RIT2: variants seen among roughly 807,000 people sequenced by gnomAD.
The protein encoded by RIT2 is GTP-binding protein Rit2.
RIT2 carries 24 observed loss-of-function variants against 23.7 expected under a neutral mutation model. That is an observed-to-expected ratio of 1.01 (90% CI 0.73 to 1.43). The LOEUF is 1.43. Among genes scored for constraint, RIT2 ranks in the 40% most tolerant of loss-of-function variants. The probability of loss-of-function intolerance (pLI) is 0.00; values close to 1 mark genes in which losing one functional copy is unlikely to be tolerated. For synonymous variants in RIT2, 107 were observed against 91.1 expected (o/e 1.17, Z -0.99); for missense variants, 236 against 266.9 (o/e 0.88, Z 0.81).
At chr18:42,896,780 C>T (rs1445903939) in intron 4 of RIT2, among the ~76,000 whole-genome samples, 1 of 152,164 alleles carries the variant, frequency 6.6e-6, no homozygotes, top group African/African-American at 2.4e-5. Context: ...TGGTGAACTC[C>T]AGTATGTTTA....
At chr18:42,877,552 A>G (rs1176161821) in intron 4 of RIT2, among the ~76,000 whole-genome samples, 1 of 149,976 alleles carries the variant, frequency 6.7e-6, no homozygotes, top group East Asian at 2.0e-4. Context: ...GCATATACAC[A>G]CATAGATACA....
chr18:42,860,496 C>A (rs965413344), intron 4 of RIT2, among the ~76,000 whole-genome samples: 59 of 152,080 alleles, frequency 3.9e-4, no homozygotes, highest in African/African-American at 1.4e-3. Context: ...TATGGAGAAG[C>A]AGATTTTTAG....
At chr18:42,763,554 A>T (rs117543876) in intron 4 of RIT2, among the ~76,000 whole-genome samples, 2,895 of 152,024 alleles carry the variant, frequency 0.019, 42 homozygotes, top group Non-Finnish European at 0.03. Context: ...GTGAGTGATG[A>T]GTCAATGTGA....
intron 1 of RIT2, among the ~76,000 whole-genome samples, chr18:43,069,789 C>T (rs992345331): frequency 6.6e-6 from 1 of 152,108 alleles, no homozygotes; most frequent in Non-Finnish European, 1.5e-5. Flanking sequence ...AGTATTCTTT[C>T]ACCAAATATT....
At position 43,023,747 on chromosome 18, in the gene RIT2, A is replaced by T. The variant is rs189592928; in HGVS notation, c.160+10064T>A. ...AGCATTTATTTTCTAGCTAAGGAAG[A>T]CACATATAGCTATATACTAAATAAG... On this transcript the variant is annotated intron_variant, in intron 2 of 4. Coordinates refer to ENST00000326695, the MANE Select transcript of RIT2 (RefSeq NM_002930.4). Among the ~76,000 whole-genome samples the T allele has an allele frequency of 1.4e-4, 21 of 152,244 alleles. No homozygotes were observed. The East Asian group carries it at 4.1e-3, about 29-fold the overall frequency.
chr18:42,757,749 A>C (rs1913198397), intron 4 of RIT2, among the ~76,000 whole-genome samples: 1 of 152,216 alleles, frequency 6.6e-6, no homozygotes, highest in East Asian at 1.9e-4. Flanking sequence ...TTTCTCGTTT[A>C]GTTCTTCAAA....
chr18:42,875,816 T>C (rs1209094818), intron 4 of RIT2, among the ~76,000 whole-genome samples: 1 of 152,044 alleles, frequency 6.6e-6, no homozygotes, highest in African/African-American at 2.4e-5. Context: ...GATCTAATCT[T>C]TTCAATCTTA....
At position 42,835,754 on chromosome 18, in the gene RIT2, T is replaced by C. The variant is rs76742310; in HGVS notation, c.426+87818A>G. 2.4e-4 allele frequency among the ~76,000 whole-genome samples: 36 copies of C among 152,188 alleles called. No homozygotes were observed. In the East Asian group the frequency reaches 5.6e-3, roughly 24 times the overall value. ...AGATTAAATAAGAGTTATAAATAAA[T>C]AGGTATAAATTAAACTCTTTAAAGA... is the stretch of plus-strand genomic sequence containing the variant. On this transcript the variant is annotated intron_variant, in intron 4 of 4. Coordinates refer to ENST00000326695, the MANE Select transcript of RIT2 (RefSeq NM_002930.4).
chr18:43,031,959 G>A (rs1911864324), intron 2 of RIT2, among the ~76,000 whole-genome samples: 1 of 152,020 alleles, frequency 6.6e-6, no homozygotes, highest in Admixed American at 6.6e-5. Flanking sequence ...GCAGAAGCAG[G>A]TGGAAGGTAA....
At chr18:42,993,952 T>A (rs918632910) in intron 2 of RIT2, among the ~76,000 whole-genome samples, 3 of 152,010 alleles carry the variant, frequency 2.0e-5, no homozygotes, top group Non-Finnish European at 2.9e-5. Context: ...CTATAAACTC[T>A]CCTTACAATT....
rs759367198 is a variant in RIT2 at position 43,115,536 on chromosome 18, G to A, written c.-17C>T. 14 of 1,600,772 alleles carry A rather than the reference G, an allele frequency of 8.7e-6. No homozygotes were observed. Among genetic ancestry groups the A allele is most frequent in the South Asian group, 2.2e-5 (2 of 88,974 alleles). ...TACCTCCATCTTACCCGAGGGACCG[G>A]AGGAAAAAAAGAAGGAGAAAGTCAC... is the stretch of plus-strand genomic sequence containing the variant. On this transcript the variant is annotated 5_prime_UTR_variant, in exon 1 of 5. Transcript: ENST00000326695.
rs1269751965 is a variant in RIT2, at chr18:42,743,547, G to C, written c.600C>G (p.Ser200Arg). ...AAGAACCTTTGAGCTTCTTCCACAG[G>C]CTGTCTTTTCTCTTCAGTTTCTTTT... ...LMEKKLKRKD[S>R]LWKKLKGSLK... Residue 200 changes from serine to arginine, a missense_variant, in exon 5 of 5, where the codon AGC becomes AGG. Ser to Arg is a moderately radical substitution (Grantham distance 110). Transcript: ENST00000326695. 6.2e-7 allele frequency: 1 copy of C among 1,613,888 alleles called. No homozygotes were observed. Among genetic ancestry groups the C allele is most frequent in the Admixed American group, 1.7e-5 (1 of 59,992 alleles).
At chr18:42,746,701 CAGAA>C (rs965129481) in intron 4 of RIT2, among the ~76,000 whole-genome samples, 2 of 151,976 alleles carry the variant, frequency 1.3e-5, no homozygotes, top group Admixed American at 6.6e-5. Context: ...ACACAAGAGA[CAGAA>C]AGAGGAAATC....
intron 4 of RIT2, among the ~76,000 whole-genome samples, chr18:42,793,540 T>C (rs1348510183): frequency 6.6e-6 from 1 of 152,170 alleles, no homozygotes; most frequent in Non-Finnish European, 1.5e-5. Flanking sequence ...CTGGGGGACT[T>C]CAACATATTA....
At chr18:43,037,832 G>A (rs1369722041) in intron 1 of RIT2, among the ~76,000 whole-genome samples, 4 of 152,042 alleles carry the variant, frequency 2.6e-5, no homozygotes, top group Non-Finnish European at 4.4e-5. Context: ...CATGTTAACT[G>A]TTTGGTCTGT....
intron 1 of RIT2, among the ~76,000 whole-genome samples, chr18:43,094,603 A>G (rs12958733): frequency 6.6e-6 from 1 of 152,058 alleles, no homozygotes; most frequent in Admixed American, 6.6e-5. Flanking sequence ...AAAGACTTCA[A>G]AATTAATTAA....
chr18:42,963,348 T>C (rs905343096), intron 3 of RIT2, among the ~76,000 whole-genome samples: 1 of 152,112 alleles, frequency 6.6e-6, no homozygotes, highest in African/African-American at 2.4e-5. Flanking sequence ...GCACAGACAG[T>C]GACATGGGAA....
chr18:43,015,705 A>G (rs1911458435), intron 2 of RIT2, among the ~76,000 whole-genome samples: 2 of 151,744 alleles, frequency 1.3e-5, no homozygotes, highest in Admixed American at 1.3e-4. Flanking sequence ...AGTTTCCAAA[A>G]GCAGCAGAGC....
chr18:42,828,873 T>C (rs544919213), intron 4 of RIT2, among the ~76,000 whole-genome samples: 37 of 152,216 alleles, frequency 2.4e-4, no homozygotes, highest in Admixed American at 1.6e-3. Context: ...CTCCTTAGGC[T>C]CTGATATTCA....
Sources: allele counts gnomAD v4.1 joint callset (sites outside exome capture counted in the v4.1 genomes callset), GRCh38; gene constraint gnomAD v4.1.1; transcripts MANE v1.5; gene names NCBI Gene and HGNC (gene_info 2026-07-23, HGNC 2026-07-21).